EPHA6: variants seen among roughly 807,000 people sequenced by gnomAD.
EPHA6 encodes ephrin type-A receptor 6.
Under a neutral mutation model 112.0 loss-of-function variants are expected in EPHA6, and 50 were observed. That is an observed-to-expected ratio of 0.45 (90% CI 0.36 to 0.56). The LOEUF (loss-of-function observed/expected upper bound fraction) is 0.56. Among genes scored for constraint, EPHA6 ranks in the 20% least tolerant of loss-of-function variants. EPHA6 has a pLI of 0.00. For missense variants in EPHA6, 1,280 were observed against 1,417.4 expected (o/e 0.90, Z 1.56); for synonymous variants, 529 against 490.7 (o/e 1.08, Z -1.03).
intron 11 of EPHA6, among the ~76,000 whole-genome samples, chr3:97,591,766 C>CTCCCAAATAATAATGTAT (rs2093546931): frequency 6.6e-6 from 1 of 152,152 alleles, no homozygotes; most frequent in South Asian, 2.1e-4. Flanking sequence ...GGATAGCAAT[C>CTCCCAAATAATAATGTAT]TCCCAAATAA....
chr3:97,228,807 C>T (rs1252945672), intron 4 of EPHA6, among the ~76,000 whole-genome samples: 1 of 152,038 alleles, frequency 6.6e-6, no homozygotes, highest in African/African-American at 2.4e-5. Context: ...TACCGTTATC[C>T]GTGGTAGTTG....
chr3:97,638,177 C>A, intron 14 of EPHA6, 95 bp downstream of exon 14: 1 of 895,026 alleles, frequency 1.1e-6, no homozygotes, highest in Non-Finnish European at 1.7e-6. Flanking sequence ...TAATTTTCTG[C>A]TTGTATTTAT....
At chr3:97,471,317 T>A (rs2091222497) in intron 7 of EPHA6, among the ~76,000 whole-genome samples, 1 of 151,702 alleles carries the variant, frequency 6.6e-6, no homozygotes, top group African/African-American at 2.4e-5. Flanking sequence ...CCATTCAGTT[T>A]CCCTTTTGTA....
At chr3:97,132,204 A>G (rs1321859894) in intron 3 of EPHA6, among the ~76,000 whole-genome samples, 6 of 152,090 alleles carry the variant, frequency 3.9e-5, no homozygotes, top group Admixed American at 3.9e-4. Context: ...AAATCAATGC[A>G]TATATTTATT....
chr3:97,138,477 C>T (rs2075816987), intron 3 of EPHA6, among the ~76,000 whole-genome samples: 1 of 152,226 alleles, frequency 6.6e-6, no homozygotes, highest in Non-Finnish European at 1.5e-5. Context: ...CCTCCCAAGA[C>T]TGCCTGCCTG....
intron 6 of EPHA6, among the ~76,000 whole-genome samples, chr3:97,423,012 TAA>T (rs1270626994): frequency 5.3e-5 from 8 of 152,260 alleles, no homozygotes; most frequent in South Asian, 2.1e-4. Context: ...CTGAAAATAA[TAA>T]GTGTCATCTA....
At chr3:97,552,541 A>G (rs189676299) in intron 11 of EPHA6, among the ~76,000 whole-genome samples, 22 of 152,328 alleles carry the variant, frequency 1.4e-4, no homozygotes, top group Admixed American at 2.6e-4. Flanking sequence ...TGTTAAAGAT[A>G]TCTCTCTTAA....
At chr3:97,546,943 G>A (rs1287021900) in intron 11 of EPHA6, among the ~76,000 whole-genome samples, 2 of 152,134 alleles carry the variant, frequency 1.3e-5, no homozygotes, top group East Asian at 3.8e-4. Flanking sequence ...TCTCTGCATT[G>A]GTTATTCTAG....
intron 5 of EPHA6, among the ~76,000 whole-genome samples, chr3:97,245,186 G>C (rs1451354905): frequency 6.6e-6 from 1 of 152,046 alleles, no homozygotes; most frequent in Non-Finnish European, 1.5e-5. Flanking sequence ...TTAAGCAACA[G>C]ACAATTTATT....
Position 97,484,071 on chromosome 3 carries a change from A to C in EPHA6, c.2200+12A>C. On this transcript the variant is annotated intron_variant, in intron 10 of 17. Coordinates refer to ENST00000389672, the MANE Select transcript of EPHA6 (RefSeq NM_001080448.3). ...AGTCATTGGGGCAGGTAAATGTCAA[A>C]TCTACACTTTTGAACAAAACATTCC... 1 of 1,595,226 alleles carries C rather than the reference A, an allele frequency of 6.3e-7. No individual in the cohort carries two copies. Among genetic ancestry groups the C allele is most frequent in the Non-Finnish European group, 8.5e-7 (1 of 1,172,796 alleles).
intron 11 of EPHA6, among the ~76,000 whole-genome samples, chr3:97,548,719 T>C (rs1416931576): frequency 5.3e-5 from 8 of 152,224 alleles, no homozygotes; most frequent in Admixed American, 1.3e-4. Flanking sequence ...TAATATTCCT[T>C]TGTACGCAAG....
chr3:96,860,010 A>G (rs1169538216), intron 1 of EPHA6, among the ~76,000 whole-genome samples: 3 of 152,196 alleles, frequency 2.0e-5, no homozygotes, highest in African/African-American at 7.2e-5. Flanking sequence ...AAGTTAAAGT[A>G]GAAAACTGGT....
intron 13 of EPHA6, among the ~76,000 whole-genome samples, chr3:97,621,373 C>T (rs1415217555): frequency 6.6e-6 from 1 of 151,808 alleles, no homozygotes; most frequent in Non-Finnish European, 1.5e-5. Context: ...CATGACACAA[C>T]CATTTAAGAA....
rs546823859 is a variant in EPHA6, at chr3:97,552,488, A to G, written c.2386+19945A>G. ...GAATCCCATCAATGACTTAGAAAGAATCTAGTTCCAAATATAATGGAATGA... is the reference window on the plus strand; with the variant it reads ...GAATCCCATCAATGACTTAGAAAGAGTCTAGTTCCAAATATAATGGAATGA... On this transcript the variant is annotated intron_variant, in intron 11 of 17. Coordinates refer to ENST00000389672, the MANE Select transcript of EPHA6 (RefSeq NM_001080448.3). Among the ~76,000 whole-genome samples, 3 of 152,312 alleles carry G rather than the reference A, an allele frequency of 2.0e-5. No individual in the cohort carries two copies. In the South Asian group the frequency reaches 6.2e-4, roughly 32 times the overall value.
intron 3 of EPHA6, among the ~76,000 whole-genome samples, chr3:97,090,565 C>T (rs1362014447): frequency 6.6e-6 from 1 of 152,006 alleles, no homozygotes; most frequent in South Asian, 2.1e-4. Context: ...TCTACAGTAA[C>T]TAAAAAACAA....
intron 3 of EPHA6, among the ~76,000 whole-genome samples, chr3:97,123,789 G>T (rs1305932872): frequency 2.0e-5 from 3 of 152,042 alleles, no homozygotes; most frequent in Non-Finnish European, 4.4e-5. Context: ...GTGGACAAGT[G>T]ATTTGAAATC....
At chr3:97,535,313 A>C (rs888458795) in intron 11 of EPHA6, among the ~76,000 whole-genome samples, 1 of 152,110 alleles carries the variant, frequency 6.6e-6, no homozygotes, top group African/African-American at 2.4e-5. Flanking sequence ...CACTTCTTAA[A>C]AAAAAGAAAT....
chr3:97,143,949 AT>A (rs148093682), intron 3 of EPHA6, among the ~76,000 whole-genome samples: 5,012 of 151,824 alleles, frequency 0.033, 293 homozygotes, highest in African/African-American at 0.12. Flanking sequence ...TTTTGAGATA[AT>A]TCTCAACTGT....
In EPHA6 at chr3:96,815,017, C is replaced by A; in HGVS notation, c.385+9C>A. The A allele has an allele frequency of 6.7e-7, 1 of 1,503,506 alleles. No homozygotes were observed. Among genetic ancestry groups the A allele is most frequent in the South Asian group, 1.3e-5 (1 of 76,688 alleles). The allele number at this position is 1,503,506 out of a possible 1,614,324, so 93.1% of individuals were successfully genotyped here. On this transcript the variant is annotated intron_variant, in intron 1 of 17. Transcript: ENST00000389672. ...CGTCTCCAACAACCAAGGTAAGGGA[C>A]GGGGCGGAGGAGCGGGAGTGGGTGG...
Sources: allele counts gnomAD v4.1 joint callset (sites outside exome capture counted in the v4.1 genomes callset), GRCh38; gene constraint gnomAD v4.1.1; transcripts MANE v1.5; gene names NCBI Gene and HGNC (gene_info 2026-07-23, HGNC 2026-07-21).